The following HSD17B7 variants were observed in gnomAD, a reference collection of about 807,000 sequenced individuals.
The protein encoded by HSD17B7 is hydroxysteroid 17-beta dehydrogenase 7.
A neutral mutation model predicts 34.1 loss-of-function variants in HSD17B7; 17 were observed. The ratio of observed to expected loss-of-function variants is 0.50; its 90% confidence interval spans 0.34 to 0.75. The LOEUF (loss-of-function observed/expected upper bound fraction) is 0.75, where lower values mean the gene tolerates loss of function less well. Among genes scored for constraint, HSD17B7 ranks in the 30% least tolerant of loss-of-function variants. The pLI is 0.01. For synonymous variants in HSD17B7, 122 were observed against 154.6 expected, an observed-to-expected ratio of 0.79 and a Z score of 1.56; for missense variants, 296 against 406.6, an observed-to-expected ratio of 0.73 and a Z score of 2.34.
chr1:162,794,602 G>T (rs1025500851), intron 2 of HSD17B7, among the ~76,000 whole-genome samples: 8 of 152,060 alleles, frequency 5.3e-5, no homozygotes, highest in African/African-American at 1.9e-4. Context: ...TCCTTATGGA[G>T]ATAAAAACCA....
rs575579352 is a variant in HSD17B7, at chr1:162,808,560, G to T, written c.903+3068G>T. Among the ~76,000 whole-genome samples the T allele has an allele frequency of 3.7e-4, 56 of 152,292 alleles. No individual in the cohort carries two copies. In the South Asian group the frequency reaches 4.1e-3, roughly 11 times the overall value. On this transcript the variant is annotated intron_variant, in intron 8 of 8. Coordinates refer to ENST00000254521, the MANE Select transcript of HSD17B7 (RefSeq NM_016371.4). Reference sequence around the variant, plus strand: ...TTGAATCTATAAATTACCTTGGGTAGTATGGCCATTTTCATGATATTGATT... The same window carrying T: ...TTGAATCTATAAATTACCTTGGGTATTATGGCCATTTTCATGATATTGATT...
At chr1:162,809,567 T>C (rs1321152710) in intron 8 of HSD17B7, among the ~76,000 whole-genome samples, 1 of 151,994 alleles carries the variant, frequency 6.6e-6, no homozygotes, top group Non-Finnish European at 1.5e-5. Context: ...GTACCTCTGG[T>C]AGAATTCAGC....
Position 162,794,857 on chromosome 1 carries a change from G to A in HSD17B7, c.240-1728G>A, listed in dbSNP as rs188183946. Among the ~76,000 whole-genome samples, 303 of 152,200 alleles carry A rather than the reference G, an allele frequency of 2.0e-3. 2 individuals carry two copies. Among genetic ancestry groups the A allele is most frequent in the Admixed American group, 8.8e-3 (134 of 15,288 alleles). On this transcript the variant is annotated intron_variant, in intron 2 of 8. Transcript: ENST00000254521. ...ATGCCTTCAAAGGTTCAAGATATTC[G>A]GTACTTTATCGCGAGTTCAGTAATT...
chr1:162,800,601 A>G (rs549799386), intron 5 of HSD17B7, among the ~76,000 whole-genome samples: 24 of 152,312 alleles, frequency 1.6e-4, no homozygotes, highest in African/African-American at 5.3e-4. Flanking sequence ...TGTTGCCACT[A>G]TGGTCTGCAC....
At chr1:162,808,905 A>C (rs1337608809) in intron 8 of HSD17B7, among the ~76,000 whole-genome samples, 35 of 152,130 alleles carry the variant, frequency 2.3e-4, no homozygotes, top group Admixed American at 1.9e-3. Flanking sequence ...ACAATCATGT[A>C]ATTTGCAAAC....
At chr1:162,808,927 G>A (rs955736595) in intron 8 of HSD17B7, among the ~76,000 whole-genome samples, 2 of 152,154 alleles carry the variant, frequency 1.3e-5, no homozygotes, top group African/African-American at 4.8e-5. Context: ...GGGACAATTT[G>A]ACTTCCTTTT....
chr1:162,792,780 C>G lies in HSD17B7; in HGVS notation c.157C>G (p.Pro53Ala). The G allele has an allele frequency of 6.2e-7, 1 of 1,614,214 alleles. No homozygotes were observed. The highest frequency in any genetic ancestry group is 1.7e-5 in the Admixed American group (1 of 60,030). ...CTGTGCTGCTCTGCTGGCCTCTCAC[C>G]CCACTGCTGAGGTCACCATTGTCCA... ...AVCAALLASHPTAEVTIVQVD... is the reference protein window; with the variant it reads ...AVCAALLASHATAEVTIVQVD... Residue 53 changes from proline (P) to alanine (A), a missense_variant, in exon 2 of 9, where the codon CCC (proline) becomes GCC (alanine). Physicochemically the swap from Pro to Ala is conservative, Grantham distance 27. Coordinates refer to ENST00000254521, the MANE Select transcript of HSD17B7 (RefSeq NM_016371.4).
chr1:162,790,906 T>C, intron 1 of HSD17B7, 71 bp downstream of exon 1: 1 of 1,230,938 alleles, frequency 8.1e-7, no homozygotes, highest in Non-Finnish European at 1.2e-6. Context: ...TCTGCGACCC[T>C]CCACGAACGG....
chr1:162,810,045 G>A (rs550122859), intron 8 of HSD17B7, among the ~76,000 whole-genome samples: 22 of 152,140 alleles, frequency 1.4e-4, no homozygotes, highest in Non-Finnish European at 2.6e-4. Flanking sequence ...TGATGTTAGG[G>A]TGTCAATTTT....
At chr1:162,809,509 T>A (rs1169319624) in intron 8 of HSD17B7, among the ~76,000 whole-genome samples, 1 of 151,950 alleles carries the variant, frequency 6.6e-6, no homozygotes, top group Non-Finnish European at 1.5e-5. Flanking sequence ...GGATTCCCTC[T>A]TTTTCTATTG....
chr1:162,810,777 CT>C (rs1173249489), intron 8 of HSD17B7, among the ~76,000 whole-genome samples: 1 of 151,982 alleles, frequency 6.6e-6, no homozygotes, highest in Non-Finnish European at 1.5e-5. Flanking sequence ...CAACCCCTGC[CT>C]TTTTTTGTTT....
At chr1:162,798,143 T>C (rs1648682485) in intron 4 of HSD17B7, 2 of 742,260 alleles carry the variant, frequency 2.7e-6, no homozygotes, top group South Asian at 7.0e-5. Context: ...ATTTACAGAA[T>C]TACTGCAAAG....
At chr1:162,792,590 C>A in intron 1 of HSD17B7, 69 bp from the exon 2 acceptor site, 1 of 1,546,340 alleles carries the variant, frequency 6.5e-7, no homozygotes, top group Non-Finnish European at 8.7e-7. Flanking sequence ...TTTTCTGAAC[C>A]AGAGAGAAAT....
chr1:162,799,435 CAT>C (rs769000638), intron 4 of HSD17B7: 42 of 217,588 alleles, frequency 1.9e-4, no homozygotes, highest in Non-Finnish European at 2.7e-4. Flanking sequence ...TTTCTAAAGC[CAT>C]ATGTTTTCTT....
chr1:162,804,260 T>C lies in HSD17B7; in HGVS notation c.748-7T>C, dbSNP rs1319360392. 10 of 1,607,364 alleles carry C rather than the reference T, an allele frequency of 6.2e-6. No individual in the cohort carries two copies. Among genetic ancestry groups the C allele is most frequent in the Non-Finnish European group, 8.5e-6 (10 of 1,176,590 alleles). On this transcript the variant is annotated splice_region_variant and splice_polypyrimidine_tract_variant and intron_variant, in intron 6 of 8. Coordinates refer to ENST00000254521, the MANE Select transcript of HSD17B7 (RefSeq NM_016371.4). ...CCAAAAAATAACAGTTGTTTTCTTT[T>C]CCGCAGCTTCGCTTTTTTGCAAATG...
In HSD17B7 at chr1:162,792,705, G is replaced by C. The variant is rs752373083; in HGVS notation, c.82G>C (p.Glu28Gln). The change falls in exon 2 of 9, where the codon GAG becomes CAG. Residue 28 changes from glutamate (E) to glutamine (Q), a missense_variant. Coordinates refer to ENST00000254521, the MANE Select transcript of HSD17B7 (RefSeq NM_016371.4). Reference sequence around the variant, plus strand: ...CAAGCGGCTGCTGGCGGAAGATGATGAGCTTCATCTGTGTTTGGCGTGCAG... The same window carrying C: ...CAAGCGGCTGCTGGCGGAAGATGATCAGCTTCATCTGTGTTTGGCGTGCAG... ...LCKRLLAEDD[E>Q]LHLCLACRNM... 1.3e-5 allele frequency: 21 copies of C among 1,613,932 alleles called. No individual in the cohort carries two copies. The highest frequency in any genetic ancestry group is 1.7e-5 in the Non-Finnish European group (20 of 1,179,996).
rs532130716 is a variant in HSD17B7 at position 162,796,535 on chromosome 1, C to G, written c.240-50C>G. On this transcript the variant is annotated intron_variant, in intron 2 of 8. Coordinates refer to ENST00000254521, the MANE Select transcript of HSD17B7 (RefSeq NM_016371.4). The stretch of plus-strand genomic sequence containing the variant: ...TAGAGATAGAATACACAATCTTGTC[C>G]TGATGTTTTTACTTGCAACTCACAA... The G allele has an allele frequency of 6.2e-6, 7 of 1,129,288 alleles. No individual in the cohort carries two copies. The Admixed American group carries it at 8.5e-5, about 14-fold the overall frequency. 70.0% of individuals were successfully genotyped at this position (1,129,288 alleles called of 1,614,324 possible).
chr1:162,796,261 A>C (rs568420720), intron 2 of HSD17B7, among the ~76,000 whole-genome samples: 14 of 152,214 alleles, frequency 9.2e-5, no homozygotes, highest in Admixed American at 8.5e-4. Flanking sequence ...TTCCTTATTG[A>C]GAGGACAGAG....
rs547697451 is a variant in HSD17B7 at position 162,799,166 on chromosome 1, A to G, written c.448-577A>G. On this transcript the variant is annotated intron_variant, in intron 4 of 8. Transcript: ENST00000254521. ...TATGTCTTTAATTCAGTCGTTTATTATATCCATATGGACTCATGTTTATGT... is the reference window on the plus strand; with the variant it reads ...TATGTCTTTAATTCAGTCGTTTATTGTATCCATATGGACTCATGTTTATGT... Among the ~76,000 whole-genome samples the G allele has an allele frequency of 6.2e-4, 94 of 152,002 alleles. 1 individual carries two copies. Among genetic ancestry groups the G allele is most frequent in the South Asian group, 4.1e-4 (2 of 4,822 alleles).
Sources: allele counts gnomAD v4.1 joint callset (sites outside exome capture counted in the v4.1 genomes callset), GRCh38; gene constraint gnomAD v4.1.1; transcripts MANE v1.5; gene names NCBI Gene and HGNC (gene_info 2026-07-23, HGNC 2026-07-21).